VPS35L: variants seen among roughly 807,000 people sequenced by gnomAD.
VPS35L encodes VPS35 endosomal protein sorting factor like, also known as VPS35 endosomal protein-sorting factor-like.
In VPS35L, 83 loss-of-function variants were observed where a neutral mutation model predicts 133.0. That is an observed-to-expected ratio of 0.62 (90% CI 0.52 to 0.75). VPS35L has a LOEUF of 0.75. VPS35L is among the 30% of genes least tolerant of loss of function. The pLI is 0.00. For synonymous variants in VPS35L, 423 were observed against 449.9 expected (o/e 0.94, Z 0.76); for missense variants, 1,083 against 1,206.8 (o/e 0.90, Z 1.52).
Position 19,642,484 on chromosome 16 carries a change from A to G in VPS35L, c.1865+8A>G. On this transcript the variant is annotated splice_region_variant and intron_variant, in intron 22 of 30. Transcript: ENST00000417362. ...CATGCATGACTCTGTGAAGTAAGCC[A>G]TGCTTACAGCTGAAATATAACATGG... The G allele has an allele frequency of 6.2e-7, 1 of 1,607,758 alleles. No individual in the cohort carries two copies. Among genetic ancestry groups the G allele is most frequent in the Non-Finnish European group, 8.5e-7 (1 of 1,175,140 alleles).
At chr16:19,667,883 T>C (rs1974748967) in intron 26 of VPS35L, among the ~76,000 whole-genome samples, 1 of 152,104 alleles carries the variant, frequency 6.6e-6, no homozygotes, top group African/African-American at 2.4e-5. Context: ...CTGTTCACAG[T>C]TGGGGCTTAA....
At chr16:19,656,965 T>TTG (rs1974324248) in intron 26 of VPS35L, among the ~76,000 whole-genome samples, 1 of 145,882 alleles carries the variant, frequency 6.9e-6, no homozygotes, top group Non-Finnish European at 1.5e-5. Context: ...AGAACTTGTT[T>TTG]TTTTTTTTTT....
At position 19,669,220 on chromosome 16, in the gene VPS35L, T is replaced by C. The variant is rs1416714232; in HGVS notation, c.2282T>C (p.Ile761Thr). The change falls in exon 27 of 31, where the codon ATT becomes ACT. Residue 761 changes from isoleucine (I) to threonine (T), a missense_variant. Ile to Thr is a moderately conservative substitution (Grantham distance 89). Transcript: ENST00000417362. ...CCGGAAGTTCCAAAGATGATTAATA[T>C]TGATGGGAAGATGCGGCCATCGGAA... Reference protein sequence around the residue: ...LVPEVPKMINIDGKMRPSESF... With the variant: ...LVPEVPKMINTDGKMRPSESF... The C allele has an allele frequency of 1.9e-6, 3 of 1,613,354 alleles. No homozygotes were observed. The highest frequency in any genetic ancestry group is 1.7e-5 in the Admixed American group (1 of 60,000).
At chr16:19,692,328 G>T (rs1975722192) in intron 29 of VPS35L, among the ~76,000 whole-genome samples, 1 of 152,164 alleles carries the variant, frequency 6.6e-6, no homozygotes, top group African/African-American at 2.4e-5. Flanking sequence ...CTGATAGCGT[G>T]GGATTGCTAT....
At chr16:19,663,810 C>A (rs1434841911) in intron 26 of VPS35L, among the ~76,000 whole-genome samples, 1 of 150,824 alleles carries the variant, frequency 6.6e-6, no homozygotes, top group African/African-American at 2.4e-5. Context: ...AGTAGCTAGG[C>A]AGCATGAATA....
chr16:19,620,930 G>A (rs1597368644), intron 14 of VPS35L, among the ~76,000 whole-genome samples: 2 of 152,086 alleles, frequency 1.3e-5, no homozygotes, highest in Non-Finnish European at 2.9e-5. Context: ...CAGCCTGGGC[G>A]ACAGAGCAAG....
chr16:19,608,350 T>G (rs969315437), intron 10 of VPS35L, 76 bp downstream of exon 10: 15 of 1,095,030 alleles, frequency 1.4e-5, no homozygotes, highest in Non-Finnish European at 1.8e-5. Flanking sequence ...AGAAGCCATG[T>G]GATGGGATGC....
chr16:19,639,954 C>T lies in VPS35L; in HGVS notation c.1699-61C>T, dbSNP rs560655189. The T allele has an allele frequency of 2.7e-5, 39 of 1,430,910 alleles. No homozygotes were observed. In the Admixed American group the frequency reaches 3.5e-4, roughly 13 times the overall value. 88.6% of individuals were successfully genotyped at this position (1,430,910 alleles called of 1,614,324 possible). On this transcript the variant is annotated intron_variant, in intron 20 of 30. Coordinates refer to ENST00000417362, the MANE Select transcript of VPS35L (RefSeq NM_020314.7). This position sits in a 1 kb window ranked among gnomAD's most constrained non-coding sequence, Gnocchi z 4.1. Reference sequence around the variant, plus strand: ...TGAACTCCACAGAAAAAGAGACCCACAGATTCCTTCCTTCCAATAACTTGT... The same window carrying T: ...TGAACTCCACAGAAAAAGAGACCCATAGATTCCTTCCTTCCAATAACTTGT...
chr16:19,559,062 A>G (rs1970947920), intron 1 of VPS35L, among the ~76,000 whole-genome samples: 1 of 152,186 alleles, frequency 6.6e-6, no homozygotes, highest in Non-Finnish European at 1.5e-5. Flanking sequence ...TGTGATTAGT[A>G]ACCAAAAACT....
In VPS35L at chr16:19,652,107, C is replaced by G. The variant is rs1974149530; in HGVS notation, c.2221+17C>G. 2.0e-6 allele frequency: 3 copies of G among 1,513,382 alleles called. No homozygotes were observed. Among genetic ancestry groups the G allele is most frequent in the Non-Finnish European group, 2.7e-6 (3 of 1,099,798 alleles). The allele number at this position is 1,513,382 out of a possible 1,614,324, so 93.7% of individuals were successfully genotyped here. A position where few individuals can be genotyped will look rare whatever the true frequency, so the allele number is the denominator to read the frequency against. ...TCTCCCAAGGTAAGTCCATCATTCTCTCATCTCGGGCACTCCCTTGCTGCT... is the reference window on the plus strand; with the variant it reads ...TCTCCCAAGGTAAGTCCATCATTCTGTCATCTCGGGCACTCCCTTGCTGCT... On this transcript the variant is annotated intron_variant, in intron 26 of 30. Transcript: ENST00000417362.
chr16:19,570,086 T>G (rs771083128), intron 3 of VPS35L, among the ~76,000 whole-genome samples: 2 of 152,090 alleles, frequency 1.3e-5, no homozygotes, highest in Non-Finnish European at 2.9e-5. Context: ...ATTTAATATT[T>G]TTTTCAGACA....
intron 3 of VPS35L, among the ~76,000 whole-genome samples, chr16:19,570,693 C>T (rs1266076281): frequency 6.6e-6 from 1 of 151,420 alleles, no homozygotes; most frequent in Non-Finnish European, 1.5e-5. Context: ...TCTCTTACTA[C>T]CTTGTGAGAG....
intron 1 of VPS35L, among the ~76,000 whole-genome samples, chr16:19,559,106 T>C (rs1970949339): frequency 7.9e-5 from 12 of 152,212 alleles, no homozygotes; most frequent in Admixed American, 7.9e-4. Flanking sequence ...GCAAAGCATT[T>C]AGTGGATTTT....
intron 1 of VPS35L, 91 bp from the exon 2 acceptor site, chr16:19,564,760 A>T (rs1971134831): frequency 1.1e-6 from 1 of 889,666 alleles, no homozygotes. Flanking sequence ...TGCTGTTCTA[A>T]ACTACCTTGT....
At chr16:19,556,312 C>G (rs1481310744) in intron 1 of VPS35L, among the ~76,000 whole-genome samples, 3 of 150,982 alleles carry the variant, frequency 2.0e-5, no homozygotes, top group African/African-American at 7.4e-5. Flanking sequence ...GATGAGGCAC[C>G]AAGAAGGGAG....
In VPS35L at chr16:19,600,593, C is replaced by A. The variant is rs12448855; in HGVS notation, c.725-1071C>A. Among the ~76,000 whole-genome samples, 9 of 151,966 alleles carry A rather than the reference C, an allele frequency of 5.9e-5. No homozygotes were observed. In the East Asian group the frequency reaches 1.5e-3, roughly 26 times the overall value. On this transcript the variant is annotated intron_variant, in intron 8 of 30. Coordinates refer to ENST00000417362, the MANE Select transcript of VPS35L (RefSeq NM_020314.7). Reference sequence around the variant, plus strand: ...TCCATCCAACAAATATTGAGTACCCCCTGTGTGCCAGGCACTGATCAGTAC... The same window carrying A: ...TCCATCCAACAAATATTGAGTACCCACTGTGTGCCAGGCACTGATCAGTAC...
At chr16:19,694,831 C>T (rs1267359464) in intron 29 of VPS35L, among the ~76,000 whole-genome samples, 1 of 152,052 alleles carries the variant, frequency 6.6e-6, no homozygotes, top group Non-Finnish European at 1.5e-5. Context: ...CATGGTGAAA[C>T]CCCACCTCTA....
At chr16:19,681,283 C>A (rs1975267294) in intron 27 of VPS35L, among the ~76,000 whole-genome samples, 1 of 152,236 alleles carries the variant, frequency 6.6e-6, no homozygotes, top group African/African-American at 2.4e-5. Context: ...GTATTTCTCC[C>A]CCATTCCTCC....
In VPS35L at chr16:19,561,228, G is replaced by A. The variant is rs552978047; in HGVS notation, c.18-3623G>A. ...TACTAAAAATACAAAAAAATTAGCCGGGTGTGGTGGCGGGCGCCTGTAGTC... is the reference window on the plus strand; with the variant it reads ...TACTAAAAATACAAAAAAATTAGCCAGGTGTGGTGGCGGGCGCCTGTAGTC... On this transcript the variant is annotated intron_variant, in intron 1 of 30. Transcript: ENST00000417362. Among the ~76,000 whole-genome samples, 358 of 152,142 alleles carry A rather than the reference G, an allele frequency of 2.4e-3. 1 individual carries two copies. The highest frequency in any genetic ancestry group is 7.1e-3 in the African/African-American group (295 of 41,520).
Sources: allele counts gnomAD v4.1 joint callset (sites outside exome capture counted in the v4.1 genomes callset), GRCh38; gene constraint gnomAD v4.1.1; non-coding constraint Gnocchi (gnomAD v3.1); transcripts MANE v1.5; gene names NCBI Gene and HGNC (gene_info 2026-07-23, HGNC 2026-07-21).